The following GLG1 variants were observed in gnomAD, a reference collection of about 807,000 sequenced individuals.
GLG1 encodes Golgi apparatus protein 1.
GLG1 carries 38 observed loss-of-function variants against 160.5 expected under a neutral mutation model. That is an observed-to-expected ratio of 0.24 (90% confidence interval 0.18 to 0.31). The LOEUF (loss-of-function observed/expected upper bound fraction) is 0.31, where lower values mean the gene tolerates loss of function less well. GLG1 is among the 10% of genes least tolerant of loss of function. GLG1 has a pLI of 1.00. For missense variants in GLG1, 1,373 were observed against 1,505.2 expected (o/e 0.91, Z 1.45); for synonymous variants, 644 against 543.4 (o/e 1.19, Z -2.57).
chr16:74,514,034 G>T (rs530970725), intron 2 of GLG1, among the ~76,000 whole-genome samples: 11 of 151,992 alleles, frequency 7.2e-5, no homozygotes, highest in Non-Finnish European at 1.2e-4. Flanking sequence ...CGGAAGAAAT[G>T]ATCAGTGATT....
intron 21 of GLG1, 131 bp downstream of exon 21, chr16:74,462,356 AG>A: frequency 1.1e-6 from 1 of 887,136 alleles, no homozygotes; most frequent in Admixed American, 2.3e-5. Context: ...CTGGCCCCTT[AG>A]CCCCCCAGGT....
chr16:74,496,376 T>C (rs767428245), intron 5 of GLG1, 65 bp downstream of exon 5: 69 of 1,131,346 alleles, frequency 6.1e-5, no homozygotes, highest in East Asian at 3.3e-4. Context: ...ATTAAATTAA[T>C]TAAAACAAAA....
intron 16 of GLG1, 71 bp from the exon 17 acceptor site, chr16:74,469,134 G>T (rs780430713): frequency 2.1e-6 from 2 of 933,456 alleles, no homozygotes; most frequent in East Asian, 2.4e-5. Flanking sequence ...TGGGCTTGGG[G>T]GGGGTCACAC....
At position 74,556,817 on chromosome 16, in the gene GLG1, T is replaced by C. The variant is rs960912429; in HGVS notation, c.439-24664A>G. On this transcript the variant is annotated intron_variant, in intron 1 of 25. Transcript: ENST00000422840. Reference sequence around the variant, plus strand: ...ATTATTATTACAACCTAATAGTCTTTAGCCAATGAGTAAGAGAATAGCTGA... The same window carrying C: ...ATTATTATTACAACCTAATAGTCTTCAGCCAATGAGTAAGAGAATAGCTGA... Among the ~76,000 whole-genome samples the C allele has an allele frequency of 2.0e-5, 3 of 150,654 alleles. No individual in the cohort carries two copies. The East Asian group carries it at 5.8e-4, about 29-fold the overall frequency.
intron 1 of GLG1, among the ~76,000 whole-genome samples, chr16:74,591,006 T>G (rs1178291779): frequency 2.0e-5 from 3 of 151,904 alleles, no homozygotes; most frequent in Admixed American, 1.3e-4. Flanking sequence ...TTTTCAACTA[T>G]TTCAAAACTC....
intron 5 of GLG1, among the ~76,000 whole-genome samples, chr16:74,496,094 T>C (rs1301478316): frequency 6.6e-6 from 1 of 152,084 alleles, no homozygotes; most frequent in Non-Finnish European, 1.5e-5. Flanking sequence ...CAATGCCCCA[T>C]CTCTACAAAA....
intron 1 of GLG1, among the ~76,000 whole-genome samples, chr16:74,559,163 G>C (rs1373643748): frequency 6.6e-6 from 1 of 152,154 alleles, no homozygotes; most frequent in Non-Finnish European, 1.5e-5. Flanking sequence ...GAACCACTGG[G>C]CCTGGCCTTT....
chr16:74,607,004 G>A lies in GLG1; in HGVS notation c.91C>T (p.Pro31Ser). 1 of 1,603,768 alleles carries A rather than the reference G, an allele frequency of 6.2e-7. No homozygotes were observed. The highest frequency in any genetic ancestry group is 8.5e-7 in the Non-Finnish European group (1 of 1,177,332). Residue 31 changes from proline to serine, a missense_variant, in exon 1 of 26, where the codon CCC becomes TCC. Around this residue, in one of 4 missense-constraint regions of GLG1, gnomAD observed 322 missense variants for 254.6 expected, o/e 1.26. Transcript: ENST00000422840. Reference sequence around the variant, plus strand: ...CCCTGGCTGTGGACGCCCTGGCCGGGGAGTTTCTCGGCCCCGGCCGCGAAT... The same window carrying A: ...CCCTGGCTGTGGACGCCCTGGCCGGAGAGTTTCTCGGCCCCGGCCGCGAAT... ...LLFAAGAEKL[P>S]GQGVHSQGQG...
chr16:74,469,794 G>T (rs1350559025), intron 16 of GLG1, 191 bp downstream of exon 16: 2 of 589,066 alleles, frequency 3.4e-6, no homozygotes, highest in Non-Finnish European at 6.1e-6. Context: ...ACCTCCATGT[G>T]AGAACTACCA....
Position 74,462,153 on chromosome 16 carries a change from G to A in GLG1, c.2977C>T (p.Gln993Ter). ...AGGCGGTAGTCCAGGGCGGACTCCT[G>A]GATAATGATTCGGATCTGGTCTTCA... ...DCEDQIRIIIQESALDYRLDP... is the reference protein window; with the variant it reads ...DCEDQIRIII The change falls in exon 22 of 26, where the codon CAG becomes TAG. Residue 993 changes from glutamine to a stop codon, truncating the protein, a stop_gained. Transcript: ENST00000422840. LOFTEE classifies it high-confidence loss of function. The A allele has an allele frequency of 6.2e-7, 1 of 1,609,492 alleles. No individual in the cohort carries two copies. The highest frequency in any genetic ancestry group is 8.5e-7 in the Non-Finnish European group (1 of 1,175,916).
At chr16:74,505,461 C>G (rs549743677) in intron 3 of GLG1, among the ~76,000 whole-genome samples, 2 of 152,056 alleles carry the variant, frequency 1.3e-5, no homozygotes, top group Non-Finnish European at 2.9e-5. Flanking sequence ...GGCTCATGTC[C>G]GTAATCCCAT....
chr16:74,606,588 T>C, intron 1 of GLG1, 69 bp downstream of exon 1: 1 of 1,369,766 alleles, frequency 7.3e-7, no homozygotes, highest in East Asian at 2.3e-5. Flanking sequence ...CGTCAGCGGC[T>C]TCCAAGGCCG....
rs2015969101 is a variant in GLG1, at chr16:74,491,171, G to A, written c.1279C>T (p.Arg427Ter). The A allele has an allele frequency of 6.2e-7, 1 of 1,614,022 alleles. No individual in the cohort carries two copies. The highest frequency in any genetic ancestry group is 8.5e-7 in the Non-Finnish European group (1 of 1,179,952). The change falls in exon 8 of 26, where the codon CGA becomes TGA. Residue 427 changes from arginine (R) to a stop codon, truncating the protein, a stop_gained. Transcript: ENST00000422840. LOFTEE classifies it high-confidence loss of function. Reference sequence around the variant, plus strand: ...GAAAAGTCTTCCATCAACATGCGTCGGTAATCCAGCATCTCCCCCTGGCAC... The same window carrying A: ...GAAAAGTCTTCCATCAACATGCGTCAGTAATCCAGCATCTCCCCCTGGCAC... The part of the protein sequence containing the change: ...SECQGEMLDY[R>*]RMLMEDFSLS...
intron 23 of GLG1, 102 bp from the exon 24 acceptor site, chr16:74,458,096 G>A (rs2014634350): frequency 1.7e-6 from 2 of 1,200,060 alleles, no homozygotes; most frequent in Middle Eastern, 2.0e-4. Context: ...GGGGGAAGTT[G>A]AGGGCTAACA....
At chr16:74,565,155 T>C (rs9929933) in intron 1 of GLG1, among the ~76,000 whole-genome samples, 82,016 of 151,904 alleles carry the variant, frequency 0.54, 23,159 homozygotes, top group East Asian at 0.8. Context: ...CATGGTGAAA[T>C]CTGTCTCTAC....
chr16:74,591,957 A>G (rs1958195398), intron 1 of GLG1, among the ~76,000 whole-genome samples: 1 of 152,068 alleles, frequency 6.6e-6, no homozygotes. Context: ...TAATTCCTTT[A>G]CCCAGAGGAT....
At chr16:74,481,848 G>A (rs751176066) in intron 10 of GLG1, among the ~76,000 whole-genome samples, 5 of 152,018 alleles carry the variant, frequency 3.3e-5, no homozygotes, top group Admixed American at 6.5e-5. Context: ...GCAGTGGCGC[G>A]ATATCGGCTC....
chr16:74,595,429 C>T (rs903754607), intron 1 of GLG1, among the ~76,000 whole-genome samples: 21 of 151,620 alleles, frequency 1.4e-4, no homozygotes, highest in East Asian at 3.9e-4. Flanking sequence ...CCCAGCTACT[C>T]TGGAGGCTGA....
rs1193967031 is a variant in GLG1, at chr16:74,542,735, G to GAGGA, written c.439-10586_439-10583dup. Among the ~76,000 whole-genome samples the GAGGA allele has an allele frequency of 1.0e-3, 29 of 28,652 alleles. 2 individuals are homozygous for GAGGA. The highest frequency in any genetic ancestry group is 5.6e-3 in the South Asian group (5 of 886). 18.8% of individuals were successfully genotyped at this position (28,652 alleles called of 152,430 possible). On this transcript the variant is annotated intron_variant, in intron 1 of 25. Transcript: ENST00000422840. ...GAAGAAGGGAAGGAAGGAAGGAAGG[G>GAGGA]AGGAAGGAAGGAAGGAAGGAAGGAA...
Sources: gnomAD v4.1 joint callset for allele counts (sites outside exome capture counted in the v4.1 genomes callset) on GRCh38, gnomAD v4.1.1 for gene constraint, gnomAD v4.1.1 regional missense constraint, MANE v1.5 for transcripts, NCBI Gene and HGNC (gene_info 2026-07-23, HGNC 2026-07-21) for gene names.